Variants in MED14 observed in about 807,000 individuals in gnomAD.
The protein encoded by MED14 is mediator complex subunit 14.
Under a neutral mutation model 109.0 loss-of-function variants are expected in MED14, and 8 were observed. The observed-to-expected ratio is 0.07, with a 90% CI of 0.04 to 0.13. The LOEUF (loss-of-function observed/expected upper bound fraction) is 0.13, where lower values mean the gene tolerates loss of function less well. Among genes scored for constraint, MED14 ranks in the 10% least tolerant of loss-of-function variants. The pLI, the probability that MED14 is intolerant of heterozygous loss-of-function variation, is 1.00. For synonymous variants in MED14, 399 were observed against 408.7 expected (o/e 0.98, Z 0.29); for missense variants, 711 against 1,142.4 (o/e 0.62, Z 5.44).
intron 22 of MED14, among the ~76,000 whole-genome samples, chrX:40,674,715 A>G (rs1356110100): frequency 8.9e-6 from 1 of 112,184 alleles, no homozygotes; most frequent in East Asian, 2.8e-4. Context: ...AACAATGGCT[A>G]GCCTAGGGGC....
intron 15 of MED14, among the ~76,000 whole-genome samples, chrX:40,690,692 G>A (rs1490091640): frequency 9.0e-6 from 1 of 111,212 alleles, no homozygotes; most frequent in African/African-American, 3.3e-5. Flanking sequence ...TGGGACTACA[G>A]GCATGAGTCA....
At chrX:40,690,670 C>T (rs1180451083) in intron 15 of MED14, among the ~76,000 whole-genome samples, 1 of 111,209 alleles carries the variant, frequency 9.0e-6, no homozygotes, top group Non-Finnish European at 1.9e-5. Context: ...CCACCTCGGC[C>T]TCCCAAAGTG....
chrX:40,653,199 T>C (rs1182286620), intron 30 of MED14, among the ~76,000 whole-genome samples: 1 of 111,939 alleles, frequency 8.9e-6, no homozygotes, highest in African/African-American at 3.2e-5. Context: ...ATGGTGTTTA[T>C]TATCAAGGTT....
rs1930081178 is a variant in MED14 at position 40,680,763 on chromosome X, A to C, written c.2605T>G (p.Leu869Val). 1.7e-6 allele frequency: 2 copies of C among 1,201,327 alleles called. No individual in the cohort carries two copies. Among genetic ancestry groups the C allele is most frequent in the Non-Finnish European group, 2.2e-6 (2 of 889,270 alleles). Residue 869 changes from leucine to valine, a missense_variant, in exon 20 of 31, where the codon TTA (leucine) becomes GTA (valine). Transcript: ENST00000324817. ...FNKTPNVVQL[L>V]QVLFDTQAPL... ...CAGAAAATAAACTTAATTACCTGTA[A>C]TAACTGAACCACATTTGGTGTTTTG...
chrX:40,664,008 C>T (rs1248203599), intron 25 of MED14, among the ~76,000 whole-genome samples: 2 of 110,523 alleles, frequency 1.8e-5, no homozygotes, highest in Non-Finnish European at 3.8e-5. Flanking sequence ...TTCAGCCCCA[C>T]CCCCAAAGTT....
intron 13 of MED14, among the ~76,000 whole-genome samples, chrX:40,695,471 T>A (rs1930691276): frequency 8.9e-6 from 1 of 112,319 alleles, no homozygotes; most frequent in Non-Finnish European, 1.9e-5. Context: ...AGGAATAATC[T>A]ACATTCAGTT....
intron 22 of MED14, among the ~76,000 whole-genome samples, chrX:40,673,579 A>C (rs1207107669): frequency 1.8e-5 from 2 of 111,375 alleles, no homozygotes; most frequent in African/African-American, 3.3e-5. Flanking sequence ...TCAAATTATG[A>C]TTTTTTTCAG....
At position 40,651,742 on chromosome X, in the gene MED14, G is replaced by T; in HGVS notation, c.*64C>A. 8.9e-7 allele frequency: 1 copy of T among 1,120,541 alleles called. No homozygotes were observed. The highest frequency in any genetic ancestry group is 1.2e-6 in the Non-Finnish European group (1 of 855,238). 92.3% of individuals were successfully genotyped at this position (1,120,541 alleles called of 1,213,427 possible). ...AGTCCTTTTCCTTTTTTAAACTGAA[G>T]GCTGAATTCAGATTTTTTTTGTTGT... On this transcript the variant is annotated 3_prime_UTR_variant, in exon 31 of 31. Coordinates refer to ENST00000324817, the MANE Select transcript of MED14 (RefSeq NM_004229.4).
chrX:40,684,440 A>G (rs1450755673), intron 16 of MED14, among the ~76,000 whole-genome samples: 1 of 112,782 alleles, frequency 8.9e-6, no homozygotes, highest in Non-Finnish European at 1.9e-5. Context: ...CCTCTTCAAT[A>G]TACAGCTTTT....
chrX:40,723,243 T>TA (rs1178605685), intron 3 of MED14, among the ~76,000 whole-genome samples: 1 of 112,437 alleles, frequency 8.9e-6, no homozygotes, highest in Non-Finnish European at 1.9e-5. Context: ...GAGATAAAGT[T>TA]AAACTGCAGA....
chrX:40,672,381 G>GT (rs1350345211), intron 22 of MED14, among the ~76,000 whole-genome samples: 1 of 111,981 alleles, frequency 8.9e-6, no homozygotes, highest in Admixed American at 9.5e-5. Context: ...AACTGGCAGT[G>GT]TTTTTTCTTT....
chrX:40,660,854 A>T (rs1372621102), intron 26 of MED14, among the ~76,000 whole-genome samples: 1 of 113,099 alleles, frequency 8.8e-6, no homozygotes, highest in African/African-American at 3.2e-5. Context: ...CTTAGTATGA[A>T]GGTTGCAAAA....
chrX:40,687,566 C>T (rs775950085), intron 16 of MED14, among the ~76,000 whole-genome samples: 16 of 111,503 alleles, frequency 1.4e-4, no homozygotes, highest in East Asian at 2.8e-4. Context: ...CCCCTTCCTG[C>T]GTACATTTCC....
At chrX:40,696,481 T>C (rs6520679) in intron 13 of MED14, among the ~76,000 whole-genome samples, 5,639 of 110,314 alleles carry the variant, frequency 0.051, 279 homozygotes, top group Admixed American at 0.14. Context: ...GATGGGTTCA[T>C]ATTTAAAATT....
chrX:40,664,318 C>T lies in MED14; in HGVS notation c.3437G>A (p.Arg1146Gln), dbSNP rs1929401396. Residue 1146 changes from arginine (R) to glutamine (Q), a missense_variant, in exon 25 of 31, where the codon CGA (arginine) becomes CAA (glutamine). Physicochemically the swap from Arg to Gln is conservative, Grantham distance 43. Transcript: ENST00000324817. ...TTGATGATACTTACTTGTTCCAGCTCGAGGGGAATGAGAAGCATCTGGAAC... is the reference window on the plus strand; with the variant it reads ...TTGATGATACTTACTTGTTCCAGCTTGAGGGGAATGAGAAGCATCTGGAAC... ...SPVPDASHSP[R>Q]AGTSSQTMPT... 1.7e-6 allele frequency: 2 copies of T among 1,196,664 alleles called. No homozygotes were observed. The highest frequency in any genetic ancestry group is 1.8e-5 in the African/African-American group (1 of 56,287).
chrX:40,650,225 A>G lies in MED14; in HGVS notation c.*1581T>C. On this transcript the variant is annotated 3_prime_UTR_variant, in exon 31 of 31. Coordinates refer to ENST00000324817, the MANE Select transcript of MED14 (RefSeq NM_004229.4). ...TAAAAGTTTAGTCAACTGCTCCTGA[A>G]CAGTGGCAGAGTTGGGTGAGAAGTG... The G allele has an allele frequency of 1.3e-6, 1 of 754,227 alleles. No individual in the cohort carries two copies. The highest frequency in any genetic ancestry group is 7.6e-4 in the Middle Eastern group (1 of 1,324). The allele number at this position is 754,227 out of a possible 1,213,427, so 62.2% of individuals were successfully genotyped here.
At chrX:40,729,823 G>A (rs1932018267) in intron 1 of MED14, among the ~76,000 whole-genome samples, 2 of 112,085 alleles carry the variant, frequency 1.8e-5, no homozygotes, top group African/African-American at 3.2e-5. Flanking sequence ...TATGTCAAGG[G>A]TTTTACAGTA....
At chrX:40,697,665 A>C (rs958417514) in intron 12 of MED14, among the ~76,000 whole-genome samples, 10 of 112,165 alleles carry the variant, frequency 8.9e-5, no homozygotes, top group Non-Finnish European at 1.3e-4. Context: ...TACTCCTTTT[A>C]TTCCTTTTAT....
chrX:40,696,283 C>T (rs778034171), intron 13 of MED14, among the ~76,000 whole-genome samples: 5 of 108,722 alleles, frequency 4.6e-5, no homozygotes, highest in South Asian at 8.1e-4. Context: ...TACAGGCGCC[C>T]GCCACCACGC....
Sources: allele counts gnomAD v4.1 joint callset (sites outside exome capture counted in the v4.1 genomes callset), GRCh38; gene constraint gnomAD v4.1.1; transcripts MANE v1.5; gene names NCBI Gene and HGNC (gene_info 2026-07-23, HGNC 2026-07-21).